PCDHGA2: variants seen among roughly 807,000 people sequenced by gnomAD.
PCDHGA2 encodes the protein protocadherin gamma subfamily A, 2, also known as protocadherin gamma-A2.
Under a neutral mutation model 59.2 loss-of-function variants are expected in PCDHGA2, and 40 were observed. That is an observed-to-expected ratio of 0.68 (90% confidence interval 0.52 to 0.88). The LOEUF is 0.88. Ranked by LOEUF, PCDHGA2 falls within the 40% of genes least tolerant of loss-of-function variation. The pLI is 0.00. For missense variants in PCDHGA2, 1,226 were observed against 1,204.0 expected (o/e 1.02, Z -0.27); for synonymous variants, 560 against 526.0 (o/e 1.06, Z -0.89).
At chr5:141,364,871 G>A (rs775321480) in intron 1 of PCDHGA2, 2 of 1,614,010 alleles carry the variant, frequency 1.2e-6, no homozygotes, top group Admixed American at 1.7e-5. Flanking sequence ...CTTCTCTCTG[G>A]ATGTGGTAAG....
At chr5:141,500,562 T>A (rs2099801387) in intron 2 of PCDHGA2, among the ~76,000 whole-genome samples, 1 of 152,202 alleles carries the variant, frequency 6.6e-6, no homozygotes, top group Admixed American at 6.5e-5. Flanking sequence ...CACAAACTTG[T>A]CACACTTTCA....
intron 1 of PCDHGA2, chr5:141,361,554 A>T (rs199916536): frequency 6.2e-7 from 1 of 1,614,062 alleles, no homozygotes; most frequent in Non-Finnish European, 8.5e-7. Context: ...CTATCGCTCA[A>T]ATCAGTGCCT....
rs756242684 is a variant in PCDHGA2 at position 141,341,251 on chromosome 5, T to G, written c.2280T>G (p.Thr760=). Residue 760 remains threonine, a synonymous_variant, in exon 1 of 4, where the codon ACT becomes ACG. Coordinates refer to ENST00000394576, the MANE Select transcript of PCDHGA2 (RefSeq NM_018915.4). The part of the protein sequence containing the change: ...LQTYSHEVSL[T]ADSRKSHLIF... Reference sequence around the variant, plus strand: ...CCTATTCCCACGAGGTCTCCCTCACTGCGGACTCGCGGAAGAGCCACCTGA... The same window carrying G: ...CCTATTCCCACGAGGTCTCCCTCACGGCGGACTCGCGGAAGAGCCACCTGA... 1.9e-6 allele frequency: 3 copies of G among 1,614,200 alleles called. No individual in the cohort carries two copies. The Admixed American group carries it at 5.0e-5, about 27-fold the overall frequency.
At chr5:141,419,658 A>T in intron 1 of PCDHGA2, 2 of 1,612,782 alleles carry the variant, frequency 1.2e-6, no homozygotes, top group Non-Finnish European at 1.7e-6. Flanking sequence ...GACTCGGGGC[A>T]CAATGCCTGG....
chr5:141,374,336 G>A, intron 1 of PCDHGA2: 1 of 1,614,008 alleles, frequency 6.2e-7, no homozygotes, highest in Non-Finnish European at 8.5e-7. Context: ...CGGCAGCTTG[G>A]TCACCGCGGG....
intron 1 of PCDHGA2, among the ~76,000 whole-genome samples, chr5:141,435,652 G>A (rs978809372): frequency 3.9e-5 from 6 of 152,226 alleles, no homozygotes; most frequent in East Asian, 1.9e-4. Flanking sequence ...TTTCTGAAAC[G>A]TGCACAGATT....
chr5:141,350,963 A>G (rs771173286), intron 1 of PCDHGA2: 1 of 1,614,094 alleles, frequency 6.2e-7, no homozygotes, highest in South Asian at 1.1e-5. Context: ...TGCCAATGAT[A>G]ATGCTCCCGT....
At chr5:141,478,506 ATAGGCAGGTGTTGGG>A in intron 1 of PCDHGA2, 1 of 1,612,314 alleles carries the variant, frequency 6.2e-7, no homozygotes, top group Non-Finnish European at 8.5e-7. Context: ...CCGGTGTTCT[ATAGGCAGGTGTTGGG>A]TGCAGAGAGC....
In PCDHGA2 at chr5:141,476,966, G is replaced by C. The variant is rs780645226; in HGVS notation, c.2425-17841G>C. The C allele has an allele frequency of 1.2e-6, 2 of 1,614,152 alleles. No homozygotes were observed. Among genetic ancestry groups the C allele is most frequent in the Non-Finnish European group, 1.7e-6 (2 of 1,180,032 alleles). On this transcript the variant is annotated intron_variant, in intron 1 of 3. Coordinates refer to ENST00000394576, the MANE Select transcript of PCDHGA2 (RefSeq NM_018915.4). This position sits in a 1 kb window ranked among gnomAD's most constrained non-coding sequence, Gnocchi z 7.6. ...CAACGGTGAAATTATTTACTCCTTCGGCAGCCACAACCGCGCCGGCGTGCG... is the reference window on the plus strand; with the variant it reads ...CAACGGTGAAATTATTTACTCCTTCCGCAGCCACAACCGCGCCGGCGTGCG...
chr5:141,426,805 A>G (rs1222690899), intron 1 of PCDHGA2: 2 of 456,720 alleles, frequency 4.4e-6, no homozygotes, highest in African/African-American at 2.0e-5. Flanking sequence ...CTCAGTTCTA[A>G]TGAACATTTC....
At chr5:141,414,457 G>C in intron 1 of PCDHGA2, 2 of 1,613,872 alleles carry the variant, frequency 1.2e-6, no homozygotes, top group Non-Finnish European at 1.7e-6. Flanking sequence ...CACAGTGACA[G>C]CCACAGATGG....
chr5:141,368,344 T>C (rs1052881289), intron 1 of PCDHGA2, among the ~76,000 whole-genome samples: 5 of 152,060 alleles, frequency 3.3e-5, no homozygotes, highest in African/African-American at 7.2e-5. Context: ...TATATACATA[T>C]ACACACACAT....
At chr5:141,353,567 T>C (rs903187033) in intron 1 of PCDHGA2, among the ~76,000 whole-genome samples, 1 of 152,246 alleles carries the variant, frequency 6.6e-6, no homozygotes, top group East Asian at 1.9e-4. Flanking sequence ...TCCCACTCTA[T>C]AATTTCAGTC....
intron 1 of PCDHGA2, among the ~76,000 whole-genome samples, chr5:141,359,079 T>G (rs1279133095): frequency 1.3e-5 from 2 of 151,956 alleles, no homozygotes; most frequent in African/African-American, 4.8e-5. Context: ...CAAAGGAGAG[T>G]TTTAGTTTCT....
At chr5:141,413,445 C>G (rs764464917) in intron 1 of PCDHGA2, 105 of 1,613,986 alleles carry the variant, frequency 6.5e-5, no homozygotes, top group Non-Finnish European at 8.5e-5. Context: ...GCTTGATCAC[C>G]GCGGGCAGGA....
At chr5:141,466,508 T>C (rs2099123841) in intron 1 of PCDHGA2, among the ~76,000 whole-genome samples, 1 of 152,190 alleles carries the variant, frequency 6.6e-6, no homozygotes, top group African/African-American at 2.4e-5. Context: ...ACAGACAAGA[T>C]CATTTTTTTT....
intron 1 of PCDHGA2, chr5:141,384,815 A>G (rs1780542398): frequency 5.6e-6 from 9 of 1,613,482 alleles, no homozygotes; most frequent in East Asian, 2.2e-5. Flanking sequence ...GATGCCCTCA[A>G]GCAGAGCCTC....
At chr5:141,423,707 G>A in intron 1 of PCDHGA2, 1 of 1,164,238 alleles carries the variant, frequency 8.6e-7, no homozygotes, top group Non-Finnish European at 1.1e-6. Flanking sequence ...CTTGGCACAA[G>A]TCTTTTAAGG....
chr5:141,362,360 A>G lies in PCDHGA2; in HGVS notation c.2424+20965A>G, dbSNP rs758755542. 153 of 1,613,924 alleles carry G rather than the reference A, an allele frequency of 9.5e-5. No homozygotes were observed. In the South Asian group the frequency reaches 1.3e-3, roughly 14 times the overall value. On this transcript the variant is annotated intron_variant, in intron 1 of 3. Transcript: ENST00000394576. ...AAGCCTGGACCTGGGGTTCTCCCCA[A>G]TTACAGTGAGGGTACATTGCCCTAT...
Sources: allele counts gnomAD v4.1 joint callset (sites outside exome capture counted in the v4.1 genomes callset), GRCh38; gene constraint gnomAD v4.1.1; non-coding constraint Gnocchi (gnomAD v3.1); transcripts MANE v1.5; gene names NCBI Gene and HGNC (gene_info 2026-07-23, HGNC 2026-07-21).